LIFR: variants seen among roughly 807,000 people sequenced by gnomAD.
The protein encoded by LIFR is LIF receptor subunit alpha, also known as leukemia inhibitory factor receptor.
A neutral mutation model predicts 122.2 loss-of-function variants in LIFR; 84 were observed. That is an observed-to-expected ratio of 0.69 (90% CI 0.58 to 0.82). The LOEUF (loss-of-function observed/expected upper bound fraction) is 0.82, where lower values mean the gene tolerates loss of function less well. Among genes scored for constraint, LIFR ranks in the 40% least tolerant of loss-of-function variants. The pLI is 0.00. For synonymous variants in LIFR, 422 were observed against 434.7 expected, an observed-to-expected ratio of 0.97 and a Z score of 0.36; for missense variants, 1,294 against 1,311.6, an observed-to-expected ratio of 0.99 and a Z score of 0.21.
At chr5:38,485,775 C>A (rs767952648) in intron 17 of LIFR, 44 bp downstream of exon 17, 3 of 1,601,608 alleles carry the variant, frequency 1.9e-6, no homozygotes, top group Admixed American at 3.3e-5. Context: ...TAGAACACTA[C>A]GCATGCAGGA....
intron 1 of LIFR, among the ~76,000 whole-genome samples, chr5:38,531,734 A>C (rs909405894): frequency 2.6e-5 from 4 of 152,206 alleles, no homozygotes; most frequent in Non-Finnish European, 4.4e-5. Flanking sequence ...AAAGGAAAGG[A>C]GATCCAACAC....
At chr5:38,534,208 A>G (rs75252747) in intron 1 of LIFR, among the ~76,000 whole-genome samples, 110 of 152,326 alleles carry the variant, frequency 7.2e-4, no homozygotes, top group African/African-American at 2.6e-3. Flanking sequence ...TATTTTCCTT[A>G]TCCCATTTCC....
intron 1 of LIFR, among the ~76,000 whole-genome samples, chr5:38,554,595 T>C (rs370826612): frequency 1.3e-5 from 2 of 152,158 alleles, no homozygotes; most frequent in East Asian, 3.8e-4. Context: ...TTTAGTACTC[T>C]GGGGAGGGAA....
upstream of LIFR, among the ~76,000 whole-genome samples, chr5:38,600,360 C>T (rs138812355): frequency 4.3e-4 from 66 of 152,338 alleles, no homozygotes; most frequent in African/African-American, 1.5e-3. Flanking sequence ...CAGAATAAAT[C>T]TCTTCAAATA....
chr5:38,539,719 T>C (rs1021319065), intron 1 of LIFR, among the ~76,000 whole-genome samples: 5 of 152,124 alleles, frequency 3.3e-5, no homozygotes, highest in African/African-American at 1.2e-4. Context: ...TAAAGGCCTT[T>C]CTAAATTCTA....
upstream of LIFR, among the ~76,000 whole-genome samples, chr5:38,560,214 C>T (rs761657971): frequency 5.9e-5 from 9 of 151,816 alleles, no homozygotes; most frequent in South Asian, 4.2e-4. Flanking sequence ...GTTTATTAAC[C>T]GGTGAATAAT....
rs1162836947 is a variant in LIFR, at chr5:38,530,597, A to T, written c.51T>A (p.Asn17Lys). 1.2e-6 allele frequency: 2 copies of T among 1,612,496 alleles called. No individual in the cohort carries two copies. The highest frequency in any genetic ancestry group is 3.3e-5 in the Admixed American group (2 of 59,998). Reference sequence around the variant, plus strand: ...AATTTGAAGCAGTCCTCATTCTTTTATTGTCCACCATCCAGGATGGTCGTT... The same window carrying T: ...AATTTGAAGCAGTCCTCATTCTTTTTTTGTCCACCATCCAGGATGGTCGTT... The part of the protein sequence containing the change: ...CLKRPSWMVD[N>K]KRMRTASNFQ... Residue 17 changes from asparagine to lysine, a missense_variant, in exon 2 of 20, where the codon AAT (asparagine) becomes AAA (lysine). Transcript: ENST00000453190.
intron 1 of LIFR, among the ~76,000 whole-genome samples, chr5:38,554,010 T>C (rs890532571): frequency 1.6e-4 from 24 of 152,128 alleles, no homozygotes; most frequent in Non-Finnish European, 1.5e-5. Context: ...GGTGATAATC[T>C]ACAGAAGGCA....
intron 14 of LIFR, among the ~76,000 whole-genome samples, chr5:38,491,145 G>A (rs1231795750): frequency 6.6e-6 from 1 of 152,188 alleles, no homozygotes; most frequent in East Asian, 1.9e-4. Flanking sequence ...GTCCTTGGGT[G>A]AGTTAACTCC....
In LIFR at chr5:38,501,283, CAT is replaced by C. The variant is rs573809504; in HGVS notation, c.1600+1352_1600+1353del. ...TTTGATGATACAAGTAATTCTTACACATGTCGCAAAATGCCCTCATCTCTATT... is the reference window on the plus strand; with the variant it reads ...TTTGATGATACAAGTAATTCTTACACGTCGCAAAATGCCCTCATCTCTATT... On this transcript the variant is annotated intron_variant, in intron 11 of 19. Transcript: ENST00000453190. Among the ~76,000 whole-genome samples, 128 of 152,312 alleles carry C rather than the reference CAT, an allele frequency of 8.4e-4. 1 individual carries two copies. The highest frequency in any genetic ancestry group is 2.7e-3 in the African/African-American group (111 of 41,568).
intron 1 of LIFR, among the ~76,000 whole-genome samples, chr5:38,576,359 T>C (rs868546129): frequency 6.6e-6 from 1 of 152,190 alleles, no homozygotes; most frequent in Non-Finnish European, 1.5e-5. Context: ...TAAAACCTGA[T>C]CATGCCTTTC....
chr5:38,601,124 T>C (rs891343678), intron 2 of LIFR, among the ~76,000 whole-genome samples: 6 of 152,188 alleles, frequency 3.9e-5, no homozygotes, highest in African/African-American at 1.4e-4. Context: ...GGAAGGTATT[T>C]AGGATTAGAC....
chr5:38,482,325 G>A (rs977376414), intron 19 of LIFR, 107 bp from the exon 20 acceptor site: 3 of 1,048,490 alleles, frequency 2.9e-6, no homozygotes, highest in African/African-American at 1.7e-5. Context: ...GTAAACAGGT[G>A]TCTCTACTAC....
chr5:38,509,628 CTT>C (rs142986455), intron 7 of LIFR, among the ~76,000 whole-genome samples: 4,645 of 152,230 alleles, frequency 0.031, 267 homozygotes, highest in African/African-American at 0.11. Context: ...GTCAATCTAT[CTT>C]ATACACATTA....
intron 12 of LIFR, among the ~76,000 whole-genome samples, chr5:38,497,055 T>A (rs949753521): frequency 6.6e-6 from 1 of 151,476 alleles, no homozygotes; most frequent in South Asian, 2.1e-4. Context: ...CCCAGCACTT[T>A]GGGAGGCCGA....
At chr5:38,603,524 G>A (rs1300443278) in intron 2 of LIFR, among the ~76,000 whole-genome samples, 1 of 152,182 alleles carries the variant, frequency 6.6e-6, no homozygotes, top group East Asian at 1.9e-4. Context: ...CCAAACCCAA[G>A]GTCAGGGAAA....
intron 4 of LIFR, among the ~76,000 whole-genome samples, chr5:38,526,934 G>A (rs1397730656): frequency 1.3e-5 from 2 of 152,126 alleles, no homozygotes; most frequent in Non-Finnish European, 2.9e-5. Context: ...GAAAGAGTAT[G>A]GAACTGAGGG....
In LIFR at chr5:38,504,056, A is replaced by G. The variant is rs201516825; in HGVS notation, c.1357T>C (p.Trp453Arg). The G allele has an allele frequency of 5.0e-6, 8 of 1,592,050 alleles. No individual in the cohort carries two copies. The highest frequency in any genetic ancestry group is 6.9e-6 in the Non-Finnish European group (8 of 1,160,272). ...DINSTAVKLS[W>R]HLPGNFAKIN... is the part of the protein sequence containing the mutation. Reference sequence around the variant, plus strand: ...TTTGCAAAGTTGCCTGGTAAATGCCAAGAAAGTTTAACAGCTGTTGAATTA... The same window carrying G: ...TTTGCAAAGTTGCCTGGTAAATGCCGAGAAAGTTTAACAGCTGTTGAATTA... The change falls in exon 10 of 20, where the codon TGG becomes CGG. Residue 453 changes from tryptophan to arginine, a missense_variant. Physicochemically the swap from Trp to Arg is moderately radical, Grantham distance 101 (BLOSUM62 -3). Coordinates refer to ENST00000453190, the MANE Select transcript of LIFR (RefSeq NM_001127671.2).
intron 1 of LIFR, among the ~76,000 whole-genome samples, chr5:38,561,790 A>G (rs1748847429): frequency 6.6e-6 from 1 of 152,192 alleles, no homozygotes; most frequent in Non-Finnish European, 1.5e-5. Context: ...TGAGGAGTAA[A>G]TTGGTATCAC....
Sources: allele counts gnomAD v4.1 joint callset (sites outside exome capture counted in the v4.1 genomes callset), GRCh38; gene constraint gnomAD v4.1.1; transcripts MANE v1.5; gene names NCBI Gene and HGNC (gene_info 2026-07-23, HGNC 2026-07-21).